RASGEF1C: variants seen among roughly 807,000 people sequenced by gnomAD.
RASGEF1C encodes ras-GEF domain-containing family member 1C.
A neutral mutation model predicts 58.1 loss-of-function variants in RASGEF1C; 27 were observed. The ratio of observed to expected loss-of-function variants is 0.46; its 90% CI spans 0.34 to 0.64. The LOEUF (loss-of-function observed/expected upper bound fraction) is 0.64. RASGEF1C is among the 30% of genes least tolerant of loss of function. The pLI, the probability that RASGEF1C is intolerant of heterozygous loss-of-function variation, is 0.01. For missense variants in RASGEF1C, 502 were observed against 605.1 expected (o/e 0.83, Z 1.79); for synonymous variants, 243 against 246.3 (o/e 0.99, Z 0.13).
intron 1 of RASGEF1C, among the ~76,000 whole-genome samples, chr5:180,174,504 G>A (rs1169065705): frequency 6.6e-6 from 1 of 150,978 alleles, no homozygotes; most frequent in East Asian, 1.9e-4. Context: ...GTGTGTCTGT[G>A]TGTGCGTGCG....
chr5:180,130,987 C>A (rs554153464), intron 4 of RASGEF1C, among the ~76,000 whole-genome samples: 1 of 152,224 alleles, frequency 6.6e-6, no homozygotes, highest in Admixed American at 6.5e-5. Context: ...ACCCCGCCCT[C>A]TCCCTCATGC....
intron 10 of RASGEF1C, among the ~76,000 whole-genome samples, chr5:180,116,183 C>T (rs985836312): frequency 1.3e-5 from 2 of 152,178 alleles, no homozygotes; most frequent in East Asian, 1.9e-4. Context: ...TCCCTGCCCT[C>T]GCAGCAGCCA....
rs4624755 is a variant in RASGEF1C, at chr5:180,137,141, C to T, written c.300+449G>A. On this transcript the variant is annotated intron_variant, in intron 3 of 13. Transcript: ENST00000361132. The surrounding 1 kb of genome is among the most constrained non-coding windows in gnomAD (Gnocchi z 4.1). ...CGGTCCCTGAGATAGGGCAGGTACA[C>T]GGGCCAGCTAAGTCCTTTTGGTTCA... 0.57 allele frequency among the ~76,000 whole-genome samples: 87,233 copies of T among 152,036 alleles called. 25,385 individuals carry two copies. Among genetic ancestry groups the T allele is most frequent in the African/African-American group, 0.66 (27,272 of 41,466 alleles).
intron 1 of RASGEF1C, among the ~76,000 whole-genome samples, chr5:180,154,877 G>C (rs780842353): frequency 1.3e-5 from 2 of 152,130 alleles, no homozygotes; most frequent in Non-Finnish European, 2.9e-5. Context: ...CACCACGCCC[G>C]GCCCACCCTG....
intron 4 of RASGEF1C, among the ~76,000 whole-genome samples, chr5:180,135,021 C>T (rs1195936737): frequency 1.4e-5 from 2 of 138,612 alleles, no homozygotes; most frequent in Non-Finnish European, 3.0e-5. Context: ...CCAGCCAGCA[C>T]CCCATCCCGT....
chr5:180,110,973 G>A (rs1295117242), intron 12 of RASGEF1C, among the ~76,000 whole-genome samples: 1 of 152,066 alleles, frequency 6.6e-6, no homozygotes, highest in African/African-American at 2.4e-5. Flanking sequence ...GCACTACAAC[G>A]CCCGGCTAAT....
intron 1 of RASGEF1C, among the ~76,000 whole-genome samples, chr5:180,161,441 G>A (rs1186907519): frequency 6.6e-6 from 1 of 152,336 alleles, no homozygotes; most frequent in South Asian, 2.1e-4. Context: ...GAGGAGCCAC[G>A]GCAGCCAGGG....
At chr5:180,193,235 T>G (rs1756200737) in intron 1 of RASGEF1C, among the ~76,000 whole-genome samples, 1 of 130,044 alleles carries the variant, frequency 7.7e-6, no homozygotes, top group Admixed American at 8.2e-5. Context: ...TCTTGTATTT[T>G]TAGTAGAGAC....
intron 1 of RASGEF1C, among the ~76,000 whole-genome samples, chr5:180,179,804 T>C (rs1237631321): frequency 6.6e-6 from 1 of 152,144 alleles, no homozygotes; most frequent in Non-Finnish European, 1.5e-5. Flanking sequence ...AAAACGTACA[T>C]CTCCGTGTAC....
chr5:180,161,430 C>T (rs2113301137), intron 1 of RASGEF1C, among the ~76,000 whole-genome samples: 1 of 152,362 alleles, frequency 6.6e-6, no homozygotes, highest in Non-Finnish European at 1.5e-5. Context: ...CCCGGCGACA[C>T]GAGGAGCCAC....
intron 1 of RASGEF1C, among the ~76,000 whole-genome samples, chr5:180,148,326 GTAATCTATTTCCTTTTTAAA>G (rs1444875345): frequency 6.6e-6 from 1 of 151,850 alleles, no homozygotes; most frequent in Non-Finnish European, 1.5e-5. Flanking sequence ...ACTAGAGAGT[GTAATCTATTTCCTTTTTAAA>G]TAATAACTGT....
intron 1 of RASGEF1C, among the ~76,000 whole-genome samples, chr5:180,172,721 C>T (rs772891582): frequency 6.6e-6 from 1 of 151,888 alleles, no homozygotes; most frequent in African/African-American, 2.4e-5. Context: ...GGAGGCCAGG[C>T]CACCTCTGCC....
At chr5:180,121,419 C>T (rs112843319) in intron 6 of RASGEF1C, among the ~76,000 whole-genome samples, 8,008 of 151,888 alleles carry the variant, frequency 0.053, 282 homozygotes, top group Admixed American at 0.11. Context: ...GTTCACGCCA[C>T]TCTCCTGCCT....
At chr5:180,207,128 C>T (rs1756502368) in intron 1 of RASGEF1C, among the ~76,000 whole-genome samples, 1 of 152,246 alleles carries the variant, frequency 6.6e-6, no homozygotes. Flanking sequence ...CTGATAACGT[C>T]ACCACACAGC....
At chr5:180,159,242 C>T (rs911547259) in intron 1 of RASGEF1C, among the ~76,000 whole-genome samples, 3 of 151,728 alleles carry the variant, frequency 2.0e-5, no homozygotes, top group Non-Finnish European at 4.4e-5. Context: ...CAGGTTCAAG[C>T]GATTCTCCTG....
intron 12 of RASGEF1C, 73 bp downstream of exon 12, chr5:180,111,384 C>G (rs1311831212): frequency 6.2e-7 from 1 of 1,603,640 alleles, no homozygotes; most frequent in African/African-American, 1.3e-5. Flanking sequence ...GAGCAGGGGT[C>G]CTGAATGGTG....
At chr5:180,161,163 A>T (rs1766938134) in intron 1 of RASGEF1C, among the ~76,000 whole-genome samples, 2 of 152,218 alleles carry the variant, frequency 1.3e-5, no homozygotes, top group Non-Finnish European at 2.9e-5. Flanking sequence ...AGATTGATGT[A>T]CCTGGGATAA....
intron 1 of RASGEF1C, among the ~76,000 whole-genome samples, chr5:180,162,609 TC>T (rs1489369776): frequency 4.2e-4 from 64 of 152,332 alleles, no homozygotes; most frequent in African/African-American, 1.5e-3. Context: ...ATCAACAAGC[TC>T]CCCTCACCGC....
At chr5:180,127,822 G>C (rs1000966441) in intron 5 of RASGEF1C, 139 bp from the exon 6 acceptor site, 71 of 746,762 alleles carry the variant, frequency 9.5e-5, no homozygotes, top group Non-Finnish European at 1.5e-4. Context: ...CTGGGGCTTG[G>C]AGACCCTGTT....
Sources: gnomAD v4.1 joint callset for allele counts (sites outside exome capture counted in the v4.1 genomes callset) on GRCh38, gnomAD v4.1.1 for gene constraint, Gnocchi (gnomAD v3.1) non-coding constraint, MANE v1.5 for transcripts, NCBI Gene and HGNC (gene_info 2026-07-23, HGNC 2026-07-21) for gene names.